The following TLL2 variants were observed in gnomAD, a reference collection of about 807,000 sequenced individuals.
TLL2 encodes tolloid-like protein 2.
Under a neutral mutation model 123.0 loss-of-function variants are expected in TLL2, and 106 were observed. That is an observed-to-expected ratio of 0.86 (90% confidence interval 0.74 to 1.01). TLL2 has a LOEUF of 1.01. TLL2 is among the 50% of genes least tolerant of loss of function. The pLI is 0.00. For missense variants in TLL2, 1,332 were observed against 1,336.7 expected (o/e 1.00, Z 0.06); for synonymous variants, 494 against 516.8 (o/e 0.96, Z 0.60).
At chr10:96,462,018 T>C (rs987677500) in intron 2 of TLL2, among the ~76,000 whole-genome samples, 1 of 152,262 alleles carries the variant, frequency 6.6e-6, no homozygotes, top group Admixed American at 6.5e-5. Context: ...ACAAAATATG[T>C]CCAGGTGAAG....
chr10:96,429,468 C>G (rs374954387), intron 4 of TLL2, among the ~76,000 whole-genome samples: 10 of 152,114 alleles, frequency 6.6e-5, no homozygotes, highest in African/African-American at 2.4e-4. Context: ...CTGCCAAAAC[C>G]TAGAGAGTAG....
At chr10:96,508,196 C>A (rs142011660) in intron 1 of TLL2, among the ~76,000 whole-genome samples, 3 of 152,308 alleles carry the variant, frequency 2.0e-5, no homozygotes, top group African/African-American at 7.2e-5. Context: ...CAGAGGAGCA[C>A]TGCCCAGGTC....
intron 2 of TLL2, among the ~76,000 whole-genome samples, chr10:96,451,365 C>A (rs942770423): frequency 6.6e-6 from 1 of 152,146 alleles, no homozygotes; most frequent in South Asian, 2.1e-4. Context: ...AACGCCCCTC[C>A]ACCATAATTA....
At chr10:96,395,769 C>G in intron 12 of TLL2, 106 bp downstream of exon 12, 2 of 1,436,126 alleles carry the variant, frequency 1.4e-6, no homozygotes, top group Non-Finnish European at 1.9e-6. Context: ...AGAATAGCCT[C>G]TTAGGTTCCT....
intron 9 of TLL2, 33 bp downstream of exon 9, chr10:96,410,326 C>G (rs745705887): frequency 6.5e-7 from 1 of 1,527,420 alleles, no homozygotes; most frequent in South Asian, 1.1e-5. Context: ...TCAAGGAGTG[C>G]CGTCCCATTT....
At chr10:96,504,634 A>C (rs1487988108) in intron 1 of TLL2, among the ~76,000 whole-genome samples, 1 of 152,198 alleles carries the variant, frequency 6.6e-6, no homozygotes, top group Non-Finnish European at 1.5e-5. Context: ...ATTAGAAAAC[A>C]CAAATCCCTT....
intron 3 of TLL2, among the ~76,000 whole-genome samples, chr10:96,444,935 A>G (rs1172384369): frequency 6.6e-6 from 1 of 152,182 alleles, no homozygotes; most frequent in Non-Finnish European, 1.5e-5. Context: ...CACGCCTGTA[A>G]TCCCAGCACT....
rs531248934 is a variant in TLL2 at position 96,403,683 on chromosome 10, A to C, written c.1267+1549T>G. On this transcript the variant is annotated intron_variant, in intron 10 of 20. Coordinates refer to ENST00000357947, the MANE Select transcript of TLL2 (RefSeq NM_012465.4). Reference sequence around the variant, plus strand: ...AGACCTGACCGTCCCCCAGCCCGACACCCGTAAAGGGTCTGTGCTGAGGTG... The same window carrying C: ...AGACCTGACCGTCCCCCAGCCCGACCCCCGTAAAGGGTCTGTGCTGAGGTG... Among the ~76,000 whole-genome samples, 248 of 152,264 alleles carry C rather than the reference A, an allele frequency of 1.6e-3. 1 individual carries two copies. Among genetic ancestry groups the C allele is most frequent in the African/African-American group, 5.5e-3 (227 of 41,556 alleles).
At chr10:96,459,669 CAAAAAAAA>C (rs1165594084) in intron 2 of TLL2, among the ~76,000 whole-genome samples, 1,531 of 23,968 alleles carry the variant, frequency 0.064, 49 homozygotes, top group Non-Finnish European at 0.088. Context: ...GATCCTGTTT[CAAAAAAAA>C]AAAAAAAAAA....
chr10:96,427,529 G>C (rs1026228529), intron 5 of TLL2, among the ~76,000 whole-genome samples: 4 of 152,104 alleles, frequency 2.6e-5, no homozygotes, highest in Non-Finnish European at 5.9e-5. Context: ...GAAGACTTAT[G>C]ACAGTTATAT....
chr10:96,446,232 G>T lies in TLL2; in HGVS notation c.287-64C>A, dbSNP rs1056298568. ...AGCCTTCTCTGCATCAGCACCAAGG[G>T]ATGAGGGAGCAAACCTGGTCACCTG... On this transcript the variant is annotated intron_variant, in intron 2 of 20. Coordinates refer to ENST00000357947, the MANE Select transcript of TLL2 (RefSeq NM_012465.4). 3.3e-6 allele frequency: 5 copies of T among 1,530,204 alleles called. No homozygotes were observed. The African/African-American group carries it at 5.5e-5, about 17-fold the overall frequency. The allele number at this position is 1,530,204 out of a possible 1,614,324, so 94.8% of individuals were successfully genotyped here. A position where few individuals can be genotyped will look rare whatever the true frequency, so the allele number is the denominator to read the frequency against.
chr10:96,495,829 G>A (rs569391560), intron 1 of TLL2, among the ~76,000 whole-genome samples: 38 of 152,244 alleles, frequency 2.5e-4, no homozygotes, highest in Admixed American at 3.9e-4. Flanking sequence ...TCCTGCCTGG[G>A]GAGATGGCCT....
At chr10:96,433,047 A>C in intron 3 of TLL2, 85 bp from the exon 4 acceptor site, 2 of 1,533,342 alleles carry the variant, frequency 1.3e-6, no homozygotes, top group Non-Finnish European at 8.9e-7. Flanking sequence ...CACAATTCCA[A>C]AAAGGGGGTG....
At chr10:96,369,955 G>A (rs1288101869) in intron 20 of TLL2, 110 bp downstream of exon 20, 2 of 1,417,818 alleles carry the variant, frequency 1.4e-6, no homozygotes, top group East Asian at 2.5e-5. Flanking sequence ...CCTCGCCGTT[G>A]CTCCTAAGTG....
Position 96,367,711 on chromosome 10 carries a change from C to A in TLL2, c.*377G>T. Reference sequence around the variant, plus strand: ...ACATGGACAGAAGACAGCCTGGCACCTTTGCAAGCAAGTCCAGATTAGAGG... The same window carrying A: ...ACATGGACAGAAGACAGCCTGGCACATTTGCAAGCAAGTCCAGATTAGAGG... On this transcript the variant is annotated 3_prime_UTR_variant, in exon 21 of 21. Coordinates refer to ENST00000357947, the MANE Select transcript of TLL2 (RefSeq NM_012465.4). 5.6e-6 allele frequency: 1 copy of A among 178,290 alleles called. No individual in the cohort carries two copies. Among genetic ancestry groups the A allele is most frequent in the Non-Finnish European group, 1.2e-5 (1 of 83,034 alleles). The allele number at this position is 178,290 out of a possible 1,614,324, so 11.0% of individuals were successfully genotyped here. A position where few individuals can be genotyped will look rare whatever the true frequency, so the allele number is the denominator to read the frequency against.
chr10:96,493,395 A>G (rs11188794), intron 1 of TLL2, among the ~76,000 whole-genome samples: 1,624 of 152,282 alleles, frequency 0.011, 49 homozygotes, highest in South Asian at 0.1. Flanking sequence ...GTGGATAACA[A>G]GAGGAAAGGG....
chr10:96,474,914 C>T (rs1370603139), intron 2 of TLL2, among the ~76,000 whole-genome samples: 1 of 152,214 alleles, frequency 6.6e-6, no homozygotes, highest in Non-Finnish European at 1.5e-5. Flanking sequence ...GGCTGCATCA[C>T]TTCAATCTCT....
Position 96,395,331 on chromosome 10 carries a change from G to A in TLL2, c.1582C>T (p.Pro528Ser). The change falls in exon 13 of 21, where the codon CCC becomes TCC. Residue 528 changes from proline (P) to serine (S), a missense_variant. Coordinates refer to ENST00000357947, the MANE Select transcript of TLL2 (RefSeq NM_012465.4). The part of the protein sequence containing the change: ...AYDYLEVRDG[P>S]TEESALIGHF... ...CCGATCAGGGCACTCTCTTCCGTGG[G>A]GCCATCCCGGACTTCCAGGTAGTCA... 6.2e-7 allele frequency: 1 copy of A among 1,612,384 alleles called. No homozygotes were observed. Among genetic ancestry groups the A allele is most frequent in the Non-Finnish European group, 8.5e-7 (1 of 1,179,422 alleles).
intron 15 of TLL2, 27 bp downstream of exon 15, chr10:96,386,028 C>T: frequency 6.4e-7 from 1 of 1,551,996 alleles, no homozygotes. Context: ...AATACAGTCC[C>T]CAATCAATTA....
Sources: gnomAD v4.1 joint callset for allele counts (sites outside exome capture counted in the v4.1 genomes callset) on GRCh38, gnomAD v4.1.1 for gene constraint, MANE v1.5 for transcripts, NCBI Gene and HGNC (gene_info 2026-07-23, HGNC 2026-07-21) for gene names.